SLC8A1: variants seen among roughly 807,000 people sequenced by gnomAD.
SLC8A1 encodes sodium/calcium exchanger 1.
SLC8A1 carries 18 observed loss-of-function variants against 68.3 expected under a neutral mutation model. The observed-to-expected ratio is 0.26, with a 90% CI of 0.18 to 0.39. SLC8A1 has a LOEUF of 0.39. SLC8A1 is among the 10% of genes least tolerant of loss of function. The pLI is 1.00. For missense variants in SLC8A1, 985 were observed against 1,156.7 expected, an observed-to-expected ratio of 0.85 and a Z score of 2.15; for synonymous variants, 475 against 415.5, an observed-to-expected ratio of 1.14 and a Z score of -1.74.
intron 6 of SLC8A1, among the ~76,000 whole-genome samples, chr2:40,150,909 T>C (rs911106067): frequency 1.3e-5 from 2 of 152,222 alleles, no homozygotes; most frequent in Non-Finnish European, 2.9e-5. Flanking sequence ...GCTGCATTTT[T>C]AGATCGACAG....
chr2:40,305,631 T>C (rs1422186084), intron 2 of SLC8A1, among the ~76,000 whole-genome samples: 1 of 152,222 alleles, frequency 6.6e-6, no homozygotes, highest in Non-Finnish European at 1.5e-5. Context: ...TGCACTGTGA[T>C]GTCCCCACAC....
intron 2 of SLC8A1, among the ~76,000 whole-genome samples, chr2:40,256,274 T>G (rs2063905675): frequency 6.6e-6 from 1 of 152,186 alleles, no homozygotes; most frequent in South Asian, 2.1e-4. Flanking sequence ...AGGAGAGGTG[T>G]GGAATATAAA....
chr2:40,349,003 T>A (rs1231726416), intron 2 of SLC8A1, among the ~76,000 whole-genome samples: 1 of 152,188 alleles, frequency 6.6e-6, no homozygotes, highest in African/African-American at 2.4e-5. Flanking sequence ...ATCTGAGGAA[T>A]GTGGCTCTTC....
At chr2:40,429,204 T>C (rs996865952) in exon 2 of SLC8A1, 3 of 1,613,740 alleles carry the variant, frequency 1.9e-6, no homozygotes, top group African/African-American at 2.7e-5. Flanking sequence ...ATGCTCTACT[T>C]TTTTGCTGCT....
chr2:40,444,395 G>A lies in SLC8A1; in HGVS notation c.-25+7509C>T, dbSNP rs537832939. ...CCCTAGCCCCCACCTTTCCCAGTAA[G>A]AAAACTTGGGGCCTGATAACTGAAA... On this transcript the variant is annotated intron_variant, in intron 1 of 7. Transcript: ENST00000406785. Among the ~76,000 whole-genome samples the A allele has an allele frequency of 1.4e-3, 219 of 152,198 alleles. 1 individual carries two copies. Among genetic ancestry groups the A allele is most frequent in the Middle Eastern group, 0.01 (3 of 294 alleles).
At chr2:40,319,676 C>T (rs777376630) in intron 2 of SLC8A1, among the ~76,000 whole-genome samples, 65 of 152,180 alleles carry the variant, frequency 4.3e-4, no homozygotes, top group South Asian at 1.2e-3. Flanking sequence ...GACAGTAACA[C>T]GAAGTCTTCA....
In SLC8A1 at chr2:40,157,062, G is replaced by C. The variant is rs62150906; in HGVS notation, c.2161+3703C>G. Among the ~76,000 whole-genome samples the C allele has an allele frequency of 5.6e-3, 856 of 152,220 alleles. 1 individual carries two copies. The highest frequency in any genetic ancestry group is 0.014 in the Middle Eastern group (4 of 294). On this transcript the variant is annotated intron_variant, in intron 6 of 7. Coordinates refer to ENST00000406785, the Ensembl canonical transcript of SLC8A1. ...TTCTTATTTATAAAATGGTATGCATGATACCATGAAAGAAAGAAGTTAACC... is the reference window on the plus strand; with the variant it reads ...TTCTTATTTATAAAATGGTATGCATCATACCATGAAAGAAAGAAGTTAACC...
At chr2:40,132,379 C>A (rs1163105013) in intron 7 of SLC8A1, among the ~76,000 whole-genome samples, 2 of 151,882 alleles carry the variant, frequency 1.3e-5, no homozygotes, top group African/African-American at 4.8e-5. Flanking sequence ...CTCCTATAAG[C>A]TATTAAGTGA....
At chr2:40,317,079 T>C (rs577636798) in intron 2 of SLC8A1, among the ~76,000 whole-genome samples, 2 of 152,174 alleles carry the variant, frequency 1.3e-5, no homozygotes, top group South Asian at 4.1e-4. Context: ...TAGGATTAGT[T>C]GCATTAAAAA....
At position 40,394,031 on chromosome 2, in the gene SLC8A1, G is replaced by A. The variant is rs184361773; in HGVS notation, c.1808+34442C>T. ...AATGACTGAAGACAGTTTTGCTTGTGGCAGTCTGGGGGATGCTACTGACAT... is the reference window on the plus strand; with the variant it reads ...AATGACTGAAGACAGTTTTGCTTGTAGCAGTCTGGGGGATGCTACTGACAT... On this transcript the variant is annotated intron_variant, in intron 2 of 7. Transcript: ENST00000406785. 2.0e-5 allele frequency among the ~76,000 whole-genome samples: 3 copies of A among 152,160 alleles called. No homozygotes were observed. The East Asian group carries it at 5.8e-4, about 30-fold the overall frequency.
intron 1 of SLC8A1, among the ~76,000 whole-genome samples, chr2:40,498,911 G>C (rs1705879328): frequency 6.6e-6 from 1 of 152,038 alleles, no homozygotes; most frequent in South Asian, 2.1e-4. Flanking sequence ...TTTCTTGGCT[G>C]AGTTGGGGCT....
intron 6 of SLC8A1, among the ~76,000 whole-genome samples, chr2:40,159,974 C>T (rs445972): frequency 6.6e-6 from 1 of 152,076 alleles, no homozygotes; most frequent in Non-Finnish European, 1.5e-5. Context: ...TTTGTTAATT[C>T]GTTGCAACTG....
chr2:40,445,387 T>G (rs1481098411), intron 1 of SLC8A1, among the ~76,000 whole-genome samples: 1 of 152,130 alleles, frequency 6.6e-6, no homozygotes, highest in African/African-American at 2.4e-5. Context: ...TTATTAGACA[T>G]TCAGGAATTC....
intron 1 of SLC8A1, among the ~76,000 whole-genome samples, chr2:40,471,993 G>C (rs1291369770): frequency 6.6e-6 from 1 of 152,160 alleles, no homozygotes; most frequent in Non-Finnish European, 1.5e-5. Flanking sequence ...GCTTGTGAAA[G>C]GAGGAGAGGA....
chr2:40,353,240 G>A (rs1338155496), intron 2 of SLC8A1, among the ~76,000 whole-genome samples: 1 of 152,152 alleles, frequency 6.6e-6, no homozygotes, highest in Non-Finnish European at 1.5e-5. Context: ...ATATGTGCTT[G>A]CTGTCATAAC....
At chr2:40,165,078 C>A in intron 4 of SLC8A1, 94 bp from the exon 8 acceptor site, 1 of 1,509,166 alleles carries the variant, frequency 6.6e-7, no homozygotes, top group Non-Finnish European at 9.1e-7. Flanking sequence ...AGGAAGGAAG[C>A]CCTAATGACC....
intron 7 of SLC8A1, among the ~76,000 whole-genome samples, chr2:40,120,273 G>A (rs1572773733): frequency 6.6e-6 from 1 of 152,160 alleles, no homozygotes; most frequent in East Asian, 1.9e-4. Flanking sequence ...CACTGGCAGT[G>A]GTTTTAATTG....
At chr2:40,467,812 A>C (rs2149899562) in intron 1 of SLC8A1, among the ~76,000 whole-genome samples, 1 of 152,286 alleles carries the variant, frequency 6.6e-6, no homozygotes, top group South Asian at 2.1e-4. Context: ...ATGATATTAA[A>C]TTTTATGGTT....
At chr2:40,163,551 C>G (rs1305091202) in intron 5 of SLC8A1, among the ~76,000 whole-genome samples, 2 of 152,154 alleles carry the variant, frequency 1.3e-5, no homozygotes, top group Non-Finnish European at 2.9e-5. Flanking sequence ...GTCTGAGATT[C>G]CCCGACTTCT....
Sources: allele counts gnomAD v4.1 joint callset (sites outside exome capture counted in the v4.1 genomes callset), GRCh38; gene constraint gnomAD v4.1.1; transcripts MANE v1.5; gene names NCBI Gene and HGNC (gene_info 2026-07-23, HGNC 2026-07-21).